TBC1D9B: variants seen among roughly 807,000 people sequenced by gnomAD.
The protein encoded by TBC1D9B is TBC1 domain family, member 9B (with GRAM domain).
TBC1D9B carries 87 observed loss-of-function variants against 121.1 expected under a neutral mutation model. The ratio of observed to expected loss-of-function variants is 0.72; its 90% CI spans 0.60 to 0.86. The LOEUF is 0.86. Among genes scored for constraint, TBC1D9B ranks in the 40% least tolerant of loss-of-function variants. The pLI, the probability that TBC1D9B is intolerant of heterozygous loss-of-function variation, is 0.00. For missense variants in TBC1D9B, 1,540 were observed against 1,628.6 expected, an observed-to-expected ratio of 0.95 and a Z score of 0.94; for synonymous variants, 668 against 670.1, an observed-to-expected ratio of 1.00 and a Z score of 0.05.
rs1485514996 is a variant in TBC1D9B, at chr5:179,879,785, G to A, written c.1259C>T (p.Ser420Phe). ...ASVVDPSTES[S>F]PAPQEGSEQP... ...CTCCGACCCCTCCTGAGGAGCTGGG[G>A]AAGACTAGAAAATAAAACAGGGAAG... is the stretch of plus-strand genomic sequence containing the variant. Residue 420 changes from serine (S) to phenylalanine (F), a missense_variant, in exon 8 of 21, where the codon TCC (serine) becomes TTC (phenylalanine). Coordinates refer to ENST00000355235, the MANE Select transcript of TBC1D9B (RefSeq NM_015043.4). The A allele has an allele frequency of 5.6e-6, 9 of 1,609,068 alleles. No homozygotes were observed. In the South Asian group the frequency reaches 9.9e-5, roughly 18 times the overall value.
At chr5:179,867,960 GCCAGT>G in intron 17 of TBC1D9B, 111 bp from the exon 18 acceptor site, 1 of 996,950 alleles carries the variant, frequency 1.0e-6, no homozygotes, top group Non-Finnish European at 1.4e-6. Flanking sequence ...CACGAGCCTG[GCCAGT>G]CCCAGCACCT....
intron 5 of TBC1D9B, among the ~76,000 whole-genome samples, chr5:179,892,097 T>A (rs1005980860): frequency 1.3e-5 from 2 of 152,240 alleles, no homozygotes; most frequent in Non-Finnish European, 2.9e-5. Context: ...CTGATGGCTG[T>A]GACAGTGGCC....
At chr5:179,870,704 G>A in intron 15 of TBC1D9B, 1 of 753,214 alleles carries the variant, frequency 1.3e-6, no homozygotes, top group South Asian at 2.0e-5. Context: ...TTGGCTGAGA[G>A]ACAGAGTCCT....
intron 14 of TBC1D9B, 115 bp from the exon 15 acceptor site, chr5:179,871,645 C>A: frequency 9.1e-7 from 1 of 1,094,558 alleles, no homozygotes; most frequent in Non-Finnish European, 1.3e-6. Flanking sequence ...ACCGCCCTCT[C>A]AGTGGCCCAG....
intron 2 of TBC1D9B, among the ~76,000 whole-genome samples, chr5:179,901,390 C>T (rs2113650121): frequency 6.6e-6 from 1 of 152,340 alleles, no homozygotes; most frequent in Non-Finnish European, 1.5e-5. Context: ...TGTGGTGCAA[C>T]TCTACTGTAT....
chr5:179,865,807 T>G lies in TBC1D9B; in HGVS notation c.2914+31A>C. 6.4e-7 allele frequency: 1 copy of G among 1,572,284 alleles called. No homozygotes were observed. The highest frequency in any genetic ancestry group is 8.6e-7 in the Non-Finnish European group (1 of 1,158,764). The stretch of plus-strand genomic sequence containing the variant: ...GCAAGGGTGCCTCAACGCTGGGGTC[T>G]CTAAGAACAGCGGCAGAGAATGGCC... On this transcript the variant is annotated intron_variant, in intron 19 of 20. Coordinates refer to ENST00000355235, the MANE Select transcript of TBC1D9B (RefSeq NM_015043.4). The surrounding 1 kb of genome is among the most constrained non-coding windows in gnomAD (Gnocchi z 5.1).
Position 179,879,898 on chromosome 5 carries a change from T to TG in TBC1D9B, c.1255-110dup, listed in dbSNP as rs139600155. On this transcript the variant is annotated intron_variant, in intron 7 of 20. Coordinates refer to ENST00000355235, the MANE Select transcript of TBC1D9B (RefSeq NM_015043.4). Reference sequence around the variant, plus strand: ...TCGGGGCCCGGTGCAAGAAGGGCCATGGGGGCAAACGGTGCACGGAGAAGA... The same window carrying TG: ...TCGGGGCCCGGTGCAAGAAGGGCCATGGGGGGCAAACGGTGCACGGAGAAGA... The TG allele has an allele frequency of 2.0e-3, 2,627 of 1,313,428 alleles. 44 individuals are homozygous for TG. In the African/African-American group the frequency reaches 0.035, roughly 18 times the overall value. 81.4% of individuals were successfully genotyped at this position (1,313,428 alleles called of 1,614,324 possible).
chr5:179,906,958 C>G (rs949459237), intron 1 of TBC1D9B, among the ~76,000 whole-genome samples: 3 of 152,178 alleles, frequency 2.0e-5, no homozygotes, highest in Non-Finnish European at 2.9e-5. Context: ...TGAGGGGCCC[C>G]GGACACCACC....
At chr5:179,880,360 A>G (rs1760503527) in intron 7 of TBC1D9B, among the ~76,000 whole-genome samples, 1 of 152,228 alleles carries the variant, frequency 6.6e-6, no homozygotes. Flanking sequence ...TCTTGGCAGA[A>G]AGCAAAGTCC....
At chr5:179,880,274 G>A (rs961416310) in intron 7 of TBC1D9B, among the ~76,000 whole-genome samples, 1 of 152,254 alleles carries the variant, frequency 6.6e-6, no homozygotes, top group African/African-American at 2.4e-5. Flanking sequence ...TTCTGCAGGA[G>A]TGTTGGGATA....
intron 1 of TBC1D9B, among the ~76,000 whole-genome samples, chr5:179,906,041 G>T (rs1361883023): frequency 2.0e-5 from 3 of 152,210 alleles, no homozygotes; most frequent in Non-Finnish European, 2.9e-5. Context: ...CACCATGCCT[G>T]GATAAATTTT....
chr5:179,896,726 G>A (rs1400340845), intron 3 of TBC1D9B, among the ~76,000 whole-genome samples: 2 of 152,054 alleles, frequency 1.3e-5, no homozygotes, highest in Non-Finnish European at 2.9e-5. Context: ...GTTTTGCCAT[G>A]TTGGCCAGGC....
Position 179,870,450 on chromosome 5 carries a change from C to A in TBC1D9B, c.2530G>T (p.Ala844Ser). The change falls in exon 16 of 21, where the codon GCC becomes TCC. Residue 844 changes from alanine to serine, a missense_variant. Transcript: ENST00000355235. Reference sequence around the variant, plus strand: ...GGCAGGCTGGGGTCCCGACGGCCGGCCATTGTGCGGCTGCACCCCCAGTAC... The same window carrying A: ...GGCAGGCTGGGGTCCCGACGGCCGGACATTGTGCGGCTGCACCCCCAGTAC... ...SQYWGCSRTMAGRRDPSLPYL... is the reference protein window; with the variant it reads ...SQYWGCSRTMSGRRDPSLPYL... The A allele has an allele frequency of 6.2e-7, 1 of 1,612,880 alleles. No individual in the cohort carries two copies. Among genetic ancestry groups the A allele is most frequent in the Non-Finnish European group, 8.5e-7 (1 of 1,179,994 alleles).
rs1760855126 is a variant in TBC1D9B at position 179,891,357 on chromosome 5, C to A, written c.1044+22G>T. ...ACCTCGGGGCTGGAAAGGCCTTGGCCTCTCAACTAGGGGATGCTGACCTCC... is the reference window on the plus strand; with the variant it reads ...ACCTCGGGGCTGGAAAGGCCTTGGCATCTCAACTAGGGGATGCTGACCTCC... On this transcript the variant is annotated intron_variant, in intron 6 of 20. Transcript: ENST00000355235. The surrounding 1 kb of genome is among the most constrained non-coding windows in gnomAD (Gnocchi z 4.3). The A allele has an allele frequency of 6.2e-7, 1 of 1,613,852 alleles. No individual in the cohort carries two copies. Among genetic ancestry groups the A allele is most frequent in the African/African-American group, 1.3e-5 (1 of 74,934 alleles).
Position 179,869,766 on chromosome 5 carries a change from C to T in TBC1D9B, c.2791+3G>A, listed in dbSNP as rs1014886394. 6 of 1,610,328 alleles carry T rather than the reference C, an allele frequency of 3.7e-6. No individual in the cohort carries two copies. The African/African-American group carries it at 8.0e-5, about 22-fold the overall frequency. On this transcript the variant is annotated splice_donor_region_variant and intron_variant, in intron 17 of 20. Coordinates refer to ENST00000355235, the MANE Select transcript of TBC1D9B (RefSeq NM_015043.4). ...GGCTGGGGAGTGGGCAGGAGGCTCT[C>T]ACCTGGGGGAAGGTGTAGCTTGTAG... is the stretch of plus-strand genomic sequence containing the variant.
At chr5:179,866,085 A>G (rs1034485161) in intron 18 of TBC1D9B, 197 bp from the exon 19 acceptor site, 11 of 591,964 alleles carry the variant, frequency 1.9e-5, no homozygotes, top group African/African-American at 3.8e-5. Flanking sequence ...AAAGGGCCTG[A>G]GCATTCCCTC....
intron 7 of TBC1D9B, among the ~76,000 whole-genome samples, chr5:179,882,265 A>G (rs1050020061): frequency 5.3e-5 from 8 of 152,218 alleles, no homozygotes. Flanking sequence ...CCCTAACCTC[A>G]GGTTTTGATT....
chr5:179,865,213 A>T lies in TBC1D9B; in HGVS notation c.3021+41T>A. ...ATGTTAGGGCCCAGTCTTGGTCAGAACTCTCCAGAAATGTCTACTGTGGGC... is the reference window on the plus strand; with the variant it reads ...ATGTTAGGGCCCAGTCTTGGTCAGATCTCTCCAGAAATGTCTACTGTGGGC... On this transcript the variant is annotated intron_variant, in intron 20 of 20. Transcript: ENST00000355235. This position sits in a 1 kb window ranked among gnomAD's most constrained non-coding sequence, Gnocchi z 5.1. 6.3e-7 allele frequency: 1 copy of T among 1,597,206 alleles called. No homozygotes were observed. The highest frequency in any genetic ancestry group is 8.6e-7 in the Non-Finnish European group (1 of 1,164,730).
At chr5:179,901,649 C>T (rs927747279) in intron 2 of TBC1D9B, among the ~76,000 whole-genome samples, 1 of 152,124 alleles carries the variant, frequency 6.6e-6, no homozygotes, top group African/African-American at 2.4e-5. Context: ...GTTGCGTGGG[C>T]CTGCAGTCCC....
Sources: allele counts gnomAD v4.1 joint callset (sites outside exome capture counted in the v4.1 genomes callset), GRCh38; gene constraint gnomAD v4.1.1; non-coding constraint Gnocchi (gnomAD v3.1); transcripts MANE v1.5; gene names NCBI Gene and HGNC (gene_info 2026-07-23, HGNC 2026-07-21).